Variants in NME9 observed in about 807,000 individuals in gnomAD.
NME9 encodes the protein thioredoxin domain-containing protein 6.
A neutral mutation model predicts 44.4 loss-of-function variants in NME9; 48 were observed. That is an observed-to-expected ratio of 1.08 (90% CI 0.86 to 1.37). The LOEUF (loss-of-function observed/expected upper bound fraction) is 1.37. NME9 is among the 40% of genes most tolerant of loss of function. NME9 has a pLI of 0.00. For missense variants in NME9, 325 were observed against 405.2 expected, an observed-to-expected ratio of 0.80 and a Z score of 1.70; for synonymous variants, 139 against 147.1, an observed-to-expected ratio of 0.94 and a Z score of 0.40.
At chr3:138,322,133 C>G (rs1158152994) in intron 2 of NME9, among the ~76,000 whole-genome samples, 3 of 152,032 alleles carry the variant, frequency 2.0e-5, no homozygotes, top group Non-Finnish European at 4.4e-5. Context: ...GCATTCGGGT[C>G]AAGCCAGGAA....
intron 8 of NME9, chr3:138,263,732 T>C: frequency 1.2e-6 from 2 of 1,612,652 alleles, no homozygotes; most frequent in Non-Finnish European, 8.5e-7. Context: ...TTAACCTTTT[T>C]CTCCAGATCA....
At chr3:138,269,903 T>A (rs1357417733) in intron 8 of NME9, 16 of 259,022 alleles carry the variant, frequency 6.2e-5, no homozygotes, top group Non-Finnish European at 7.5e-6. Flanking sequence ...TATGGCTACA[T>A]CACTCCCTGC....
In NME9 at chr3:138,305,990, G is replaced by A; in HGVS notation, c.636+14C>T. On this transcript the variant is annotated intron_variant, in intron 8 of 10. Coordinates refer to ENST00000333911, the MANE Select transcript of NME9 (RefSeq NM_001349018.2). ...ACGACAGTGTGTTGAACTTGTGGAA[G>A]TAGATGAGCTGACCTCTCCAGCTTT... 6.5e-7 allele frequency: 1 copy of A among 1,533,920 alleles called. No homozygotes were observed.
At chr3:138,301,768 C>CGTG in intron 10 of NME9, 64 bp from the exon 11 acceptor site, 1 of 1,289,464 alleles carries the variant, frequency 7.8e-7, no homozygotes, top group Non-Finnish European at 1.1e-6. Context: ...TTCTGTCCCA[C>CGTG]CCACCATCCA....
chr3:138,270,374 A>G (rs561921367), intron 8 of NME9, among the ~76,000 whole-genome samples: 60 of 152,172 alleles, frequency 3.9e-4, no homozygotes, highest in Non-Finnish European at 3.1e-4. Flanking sequence ...AGATGTTGAA[A>G]CTTAGCTAAT....
Position 138,280,488 on chromosome 3 carries a change from C to CT in NME9, c.746-17903dup, listed in dbSNP as rs1328731012. Among the ~76,000 whole-genome samples, 9 of 132,910 alleles carry CT rather than the reference C, an allele frequency of 6.8e-5. No individual in the cohort carries two copies. The East Asian group carries it at 1.3e-3, about 19-fold the overall frequency. The allele number at this position is 132,910 out of a possible 152,430, so 87.2% of individuals were successfully genotyped here. On this transcript the variant is annotated intron_variant, in intron 8 of 8. Transcript: ENST00000317876. ...GCCCACCACCATGCCTGGTTACTTT[C>CT]TTTTTTTTCTTTTTTTTTTTTTTGA...
chr3:138,298,965 G>A (rs1332408021), downstream of NME9, among the ~76,000 whole-genome samples: 1 of 152,196 alleles, frequency 6.6e-6, no homozygotes, highest in African/African-American at 2.4e-5. Context: ...GGCGAAGAGA[G>A]TAGGAGCAGG....
chr3:138,274,394 T>C (rs2049076473), intron 8 of NME9: 1 of 1,198,042 alleles, frequency 8.3e-7, no homozygotes. Context: ...AAGCCTTGTA[T>C]TCGTCCTGTG....
intron 4 of NME9, among the ~76,000 whole-genome samples, 164 bp from the exon 5 acceptor site, chr3:138,315,807 G>A (rs2053036066): frequency 6.6e-6 from 1 of 152,074 alleles, no homozygotes; most frequent in Non-Finnish European, 1.5e-5. Flanking sequence ...ACACCCTCAG[G>A]TCTGCTCCTA....
chr3:138,263,195 C>A (rs1038022288), intron 8 of NME9, among the ~76,000 whole-genome samples: 2 of 152,212 alleles, frequency 1.3e-5, no homozygotes, highest in Non-Finnish European at 2.9e-5. Flanking sequence ...TAAGTTGAAA[C>A]AATAAAGCTT....
At chr3:138,306,147 CATTG>C (rs1368579598) in intron 7 of NME9, 51 bp from the exon 8 acceptor site, 4 of 1,300,634 alleles carry the variant, frequency 3.1e-6, no homozygotes, top group Admixed American at 3.5e-5. Flanking sequence ...CCCAAATTCA[CATTG>C]ATTAATTAAT....
At chr3:138,272,313 G>A (rs2048872641) in intron 8 of NME9, among the ~76,000 whole-genome samples, 1 of 152,176 alleles carries the variant, frequency 6.6e-6, no homozygotes, top group African/African-American at 2.4e-5. Flanking sequence ...CACAGTATAA[G>A]CATTAATAGT....
chr3:138,319,564 C>T lies in NME9; in HGVS notation c.109G>A (p.Gly37Ser). 1 of 1,610,042 alleles carries T rather than the reference C, an allele frequency of 6.2e-7. No homozygotes were observed. The change falls in exon 3 of 11, where the codon GGC becomes AGC. Residue 37 changes from glycine to serine, a missense_variant. Physicochemically the swap from Gly to Ser is moderately conservative, Grantham distance 56. Transcript: ENST00000333911. ...ACAGGTTTGCAGGGGCCACACCAGC[C>T]TTGATAGACATCAACAACTGTGTGG... The part of the protein sequence containing the change: ...KGLTVVDVYQ[G>S]WCGPCKPVVS...
chr3:138,298,447 C>T (rs1029119088), downstream of NME9: 5 of 152,144 alleles, frequency 3.3e-5, no homozygotes, highest in Admixed American at 2.0e-4. Context: ...AATGTGTACA[C>T]GCTTTTGGAA....
intron 8 of NME9, chr3:138,270,023 TCCC>T: frequency 1.3e-6 from 2 of 1,578,878 alleles, no homozygotes; most frequent in Admixed American, 1.7e-5. Context: ...ATTTTTTTTT[TCCC>T]TGTCCAATGG....
intron 9 of NME9, among the ~76,000 whole-genome samples, chr3:138,304,227 C>T (rs749206809): frequency 2.0e-5 from 3 of 152,160 alleles, no homozygotes; most frequent in Non-Finnish European, 4.4e-5. Context: ...GCCCAGCCTG[C>T]CTCATATATA....
intron 8 of NME9, chr3:138,290,477 T>G (rs2050831662): frequency 2.6e-6 from 3 of 1,153,406 alleles, no homozygotes; most frequent in East Asian, 5.1e-5. Flanking sequence ...GGCTCTAGAT[T>G]GTTAATTGTA....
At chr3:138,303,755 A>C (rs2052016025) in intron 9 of NME9, 112 bp from the exon 10 acceptor site, 3 of 915,308 alleles carry the variant, frequency 3.3e-6, no homozygotes, top group African/African-American at 1.7e-5. Context: ...ATTCCTGTGA[A>C]ATTGATTTCT....
downstream of NME9, chr3:138,300,929 T>A (rs913792894): frequency 8.7e-6 from 3 of 343,338 alleles, no homozygotes; most frequent in Non-Finnish European, 1.2e-5. Context: ...TCAGTGTGCC[T>A]GGAAGTGTCA....
Sources: allele counts gnomAD v4.1 joint callset (sites outside exome capture counted in the v4.1 genomes callset), GRCh38; gene constraint gnomAD v4.1.1; transcripts MANE v1.5; gene names NCBI Gene and HGNC (gene_info 2026-07-23, HGNC 2026-07-21).